GOPC: variants seen among roughly 807,000 people sequenced by gnomAD.
GOPC encodes the protein golgi associated PDZ and coiled-coil motif containing.
GOPC carries 32 observed loss-of-function variants against 51.2 expected under a neutral mutation model. The observed-to-expected ratio is 0.63, with a 90% CI of 0.47 to 0.84. The LOEUF is 0.84. Ranked by LOEUF, GOPC falls within the 40% of genes least tolerant of loss-of-function variation. GOPC has a pLI of 0.00. For synonymous variants in GOPC, 190 were observed against 205.1 expected (o/e 0.93, Z 0.63); for missense variants, 441 against 555.5 (o/e 0.79, Z 2.07).
At chr6:117,600,272 A>G (rs541723578) in intron 1 of GOPC, among the ~76,000 whole-genome samples, 90 of 149,934 alleles carry the variant, frequency 6.0e-4, no homozygotes, top group Admixed American at 6.0e-3. Flanking sequence ...ATAAACCACC[A>G]GTTCTACACT....
At chr6:117,590,403 T>C (rs756509189) in intron 1 of GOPC, among the ~76,000 whole-genome samples, 2 of 151,780 alleles carry the variant, frequency 1.3e-5, no homozygotes, top group Non-Finnish European at 2.9e-5. Context: ...AGACCCTGTC[T>C]CTACAAAAAT....
chr6:117,579,319 C>T (rs1022320166), intron 1 of GOPC, among the ~76,000 whole-genome samples: 4 of 152,070 alleles, frequency 2.6e-5, no homozygotes, highest in African/African-American at 9.7e-5. Flanking sequence ...TTCCATTTTA[C>T]TTTGCTTACT....
At position 117,560,718 on chromosome 6, in the gene GOPC, A is replaced by AGAG. The variant is rs1779568256; in HGVS notation, c.*2533_*2535dup. 5.0e-6 allele frequency: 1 copy of AGAG among 201,150 alleles called. No individual in the cohort carries two copies. The highest frequency in any genetic ancestry group is 2.3e-5 in the African/African-American group (1 of 43,550). The allele number at this position is 201,150 out of a possible 1,614,324, so 12.5% of individuals were successfully genotyped here. ...ATATTCATAACAGAGATACTGTAGA[A>AGAG]GAGAATTTTAGAGGTTAAGTGTAAA... On this transcript the variant is annotated 3_prime_UTR_variant, in exon 9 of 9. Transcript: ENST00000368498.
intron 1 of GOPC, among the ~76,000 whole-genome samples, chr6:117,594,094 T>G (rs985563180): frequency 1.2e-4 from 18 of 152,236 alleles, no homozygotes; most frequent in African/African-American, 4.1e-4. Context: ...ACGATTATGA[T>G]AAAGCCCCAA....
chr6:117,565,438 ACT>A (rs1446589451), intron 8 of GOPC, among the ~76,000 whole-genome samples: 1 of 152,152 alleles, frequency 6.6e-6, no homozygotes, highest in Non-Finnish European at 1.5e-5. Flanking sequence ...AACTTTTCAC[ACT>A]CTGTTATATT....
At chr6:117,585,057 T>C (rs761083230) in intron 1 of GOPC, among the ~76,000 whole-genome samples, 1 of 152,188 alleles carries the variant, frequency 6.6e-6, no homozygotes, top group Non-Finnish European at 1.5e-5. Context: ...TTGATATTTC[T>C]TTATAGTGAC....
intron 6 of GOPC, 141 bp downstream of exon 6, chr6:117,570,719 C>A: frequency 2.5e-6 from 1 of 406,476 alleles, no homozygotes; most frequent in Admixed American, 4.1e-5. Context: ...TACACAAAAG[C>A]AAACATTTAT....
intron 1 of GOPC, among the ~76,000 whole-genome samples, chr6:117,591,681 T>C (rs1210668616): frequency 6.6e-6 from 1 of 152,058 alleles, no homozygotes; most frequent in Non-Finnish European, 1.5e-5. Flanking sequence ...CAAGGCCTAT[T>C]TACAGAACTG....
chr6:117,569,778 A>C (rs774357841), intron 6 of GOPC, 42 bp from the exon 7 acceptor site: 24 of 1,525,740 alleles, frequency 1.6e-5, no homozygotes, highest in African/African-American at 4.3e-5. Context: ...ACTCTTTGTA[A>C]GGTACAGTTA....
At chr6:117,571,604 C>G (rs1024304395) in intron 5 of GOPC, among the ~76,000 whole-genome samples, 25 of 152,116 alleles carry the variant, frequency 1.6e-4, no homozygotes, top group African/African-American at 4.8e-4. Context: ...CCATCCTCCC[C>G]CTTTCCTTAA....
intron 1 of GOPC, among the ~76,000 whole-genome samples, chr6:117,597,048 A>C (rs981962821): frequency 1.3e-5 from 2 of 152,044 alleles, no homozygotes; most frequent in African/African-American, 4.8e-5. Context: ...TGTTTGTATC[A>C]CCTATGATTT....
At chr6:117,564,266 A>G (rs775127544) in intron 8 of GOPC, among the ~76,000 whole-genome samples, 2 of 152,164 alleles carry the variant, frequency 1.3e-5, no homozygotes, top group African/African-American at 4.8e-5. Flanking sequence ...ATGAGCCACC[A>G]TCAAGCTGTC....
In GOPC at chr6:117,560,872, CCTTA is replaced by C. The variant is rs1433554423; in HGVS notation, c.*2378_*2381del. 10 of 214,468 alleles carry C rather than the reference CCTTA, an allele frequency of 4.7e-5. No individual in the cohort carries two copies. The highest frequency in any genetic ancestry group is 1.9e-4 in the South Asian group (1 of 5,354). The allele number at this position is 214,468 out of a possible 1,614,324, so 13.3% of individuals were successfully genotyped here. ...TGAAATGGCTTTGCAACAGTTCCCT[CCTTA>C]CTTGTTTGGTTTTGTCCTAGAAGTT... On this transcript the variant is annotated 3_prime_UTR_variant, in exon 9 of 9. Coordinates refer to ENST00000368498, the MANE Select transcript of GOPC (RefSeq NM_020399.4).
chr6:117,561,721 C>T lies in GOPC; in HGVS notation c.*1533G>A, dbSNP rs192941978. 488 of 206,002 alleles carry T rather than the reference C, an allele frequency of 2.4e-3. 3 individuals are homozygous for T. The highest frequency in any genetic ancestry group is 0.01 in the African/African-American group (460 of 44,000). The allele number at this position is 206,002 out of a possible 1,614,324, so 12.8% of individuals were successfully genotyped here. ...GTATTTTAATGTCAGTAACAATATA[C>T]ACTACGAAGTGCACTTCCATTACAA... On this transcript the variant is annotated 3_prime_UTR_variant, in exon 9 of 9. Transcript: ENST00000368498.
chr6:117,561,475 C>A lies in GOPC; in HGVS notation c.*1779G>T. The A allele has an allele frequency of 4.6e-6, 1 of 219,744 alleles. No homozygotes were observed. Among genetic ancestry groups the A allele is most frequent in the East Asian group, 6.6e-5 (1 of 15,062 alleles). The allele number at this position is 219,744 out of a possible 1,614,324, so 13.6% of individuals were successfully genotyped here. A position where few individuals can be genotyped will look rare whatever the true frequency, so the allele number is the denominator to read the frequency against. On this transcript the variant is annotated 3_prime_UTR_variant, in exon 9 of 9. Coordinates refer to ENST00000368498, the MANE Select transcript of GOPC (RefSeq NM_020399.4). Reference sequence around the variant, plus strand: ...AGGTTTTCGGGTCTGCTACAATGGACAATTTTTTTGACTAAATAAATACGG... The same window carrying A: ...AGGTTTTCGGGTCTGCTACAATGGAAAATTTTTTTGACTAAATAAATACGG...
At chr6:117,586,727 C>T (rs1263715323) in intron 1 of GOPC, among the ~76,000 whole-genome samples, 5 of 151,808 alleles carry the variant, frequency 3.3e-5, no homozygotes, top group African/African-American at 9.7e-5. Context: ...GTGATCCGCC[C>T]GCCTCAGCCT....
At chr6:117,601,001 A>T (rs1488933882) in intron 1 of GOPC, among the ~76,000 whole-genome samples, 3 of 152,234 alleles carry the variant, frequency 2.0e-5, no homozygotes, top group Non-Finnish European at 4.4e-5. Flanking sequence ...ACTGACATTC[A>T]TATTGATATA....
intron 3 of GOPC, among the ~76,000 whole-genome samples, chr6:117,575,933 T>C (rs1176010029): frequency 6.6e-6 from 1 of 152,146 alleles, no homozygotes; most frequent in East Asian, 1.9e-4. Context: ...AAATGATGAA[T>C]AGTATTGTTT....
chr6:117,579,339 C>G (rs549385221), intron 1 of GOPC, among the ~76,000 whole-genome samples: 5 of 152,118 alleles, frequency 3.3e-5, no homozygotes, highest in African/African-American at 1.2e-4. Flanking sequence ...TTTAAGAAAC[C>G]TTTTTACTGT....
Sources: gnomAD v4.1 joint callset for allele counts (sites outside exome capture counted in the v4.1 genomes callset) on GRCh38, gnomAD v4.1.1 for gene constraint, MANE v1.5 for transcripts, NCBI Gene and HGNC (gene_info 2026-07-23, HGNC 2026-07-21) for gene names.